Variants in PITPNC1 observed in about 807,000 individuals in gnomAD.
The protein encoded by PITPNC1 is phosphatidylinositol transfer protein cytoplasmic 1, also known as cytoplasmic phosphatidylinositol transfer protein 1.
A neutral mutation model predicts 44.7 loss-of-function variants in PITPNC1; 18 were observed. That is an observed-to-expected ratio of 0.40 (90% CI 0.28 to 0.60). The LOEUF (loss-of-function observed/expected upper bound fraction) is 0.60. Among genes scored for constraint, PITPNC1 ranks in the 20% least tolerant of loss-of-function variants. The pLI is 0.39. For synonymous variants in PITPNC1, 141 were observed against 149.6 expected, an observed-to-expected ratio of 0.94 and a Z score of 0.42; for missense variants, 290 against 418.4, an observed-to-expected ratio of 0.69 and a Z score of 2.68.
chr17:67,670,307 T>C (rs976622804), intron 7 of PITPNC1, among the ~76,000 whole-genome samples: 4 of 152,202 alleles, frequency 2.6e-5, no homozygotes, highest in African/African-American at 7.2e-5. Flanking sequence ...AAAGGGCTTA[T>C]CTGTGAGCAC....
intron 1 of PITPNC1, among the ~76,000 whole-genome samples, chr17:67,435,967 GT>G (rs1328195454): frequency 6.6e-6 from 1 of 152,020 alleles, no homozygotes; most frequent in Non-Finnish European, 1.5e-5. Context: ...ATGGTTGGTG[GT>G]TTTTTTGTTT....
At chr17:67,388,713 C>G (rs925526403) in intron 1 of PITPNC1, among the ~76,000 whole-genome samples, 1 of 152,204 alleles carries the variant, frequency 6.6e-6, no homozygotes, top group South Asian at 2.1e-4. Flanking sequence ...CTCCACCTCT[C>G]GGGTTCAAGC....
chr17:67,388,644 T>C (rs906162558), intron 1 of PITPNC1, among the ~76,000 whole-genome samples: 4 of 150,710 alleles, frequency 2.7e-5, no homozygotes, highest in Non-Finnish European at 3.0e-5. Context: ...CTCTGAGACA[T>C]AGTCTTGCTC....
At chr17:67,590,610 T>C (rs1015273513) in intron 5 of PITPNC1, among the ~76,000 whole-genome samples, 12 of 152,298 alleles carry the variant, frequency 7.9e-5, no homozygotes, top group African/African-American at 2.9e-4. Flanking sequence ...GATATTTACA[T>C]GGACTAAGAG....
chr17:67,537,612 A>G (rs2040547388), intron 2 of PITPNC1, among the ~76,000 whole-genome samples: 1 of 152,186 alleles, frequency 6.6e-6, no homozygotes, highest in African/African-American at 2.4e-5. Flanking sequence ...AGTTGGCATC[A>G]AATCTCAAAT....
intron 1 of PITPNC1, among the ~76,000 whole-genome samples, chr17:67,417,013 T>C (rs2038598951): frequency 6.6e-6 from 1 of 151,936 alleles, no homozygotes; most frequent in Non-Finnish European, 1.5e-5. Context: ...GGTTTCTCCA[T>C]GTTGATCAGA....
chr17:67,650,258 C>T (rs778586072), intron 6 of PITPNC1, among the ~76,000 whole-genome samples: 6 of 151,996 alleles, frequency 3.9e-5, no homozygotes, highest in Non-Finnish European at 7.4e-5. Context: ...AATGAGAAAG[C>T]GAATCTGAAG....
intron 2 of PITPNC1, among the ~76,000 whole-genome samples, chr17:67,548,651 A>G (rs925010312): frequency 3.9e-5 from 6 of 152,164 alleles, no homozygotes; most frequent in Non-Finnish European, 8.8e-5. Context: ...TTTGGGAGGC[A>G]TTGACAAGGC....
At chr17:67,510,697 C>T (rs2040174187) in intron 1 of PITPNC1, among the ~76,000 whole-genome samples, 3 of 152,126 alleles carry the variant, frequency 2.0e-5, no homozygotes, top group Non-Finnish European at 4.4e-5. Context: ...CTCCGGGGTT[C>T]AAGTGATTCT....
intron 1 of PITPNC1, among the ~76,000 whole-genome samples, chr17:67,440,498 T>A (rs1175440334): frequency 7.3e-6 from 1 of 137,574 alleles, no homozygotes; most frequent in African/African-American, 2.7e-5. Context: ...TTGCAAGACT[T>A]TTTATTTATT....
At chr17:67,420,308 C>A (rs2038652007) in intron 1 of PITPNC1, among the ~76,000 whole-genome samples, 1 of 152,130 alleles carries the variant, frequency 6.6e-6, no homozygotes, top group Admixed American at 6.6e-5. Context: ...TTTCTAAATT[C>A]TTGGGGGTGT....
intron 5 of PITPNC1, among the ~76,000 whole-genome samples, chr17:67,585,051 G>A (rs1031171052): frequency 2.7e-5 from 4 of 147,792 alleles, no homozygotes; most frequent in Non-Finnish European, 4.4e-5. Context: ...GGGAGGCAGA[G>A]ATTGCAGTGA....
chr17:67,635,097 T>C (rs1272576914), intron 6 of PITPNC1, among the ~76,000 whole-genome samples: 7 of 152,162 alleles, frequency 4.6e-5, no homozygotes, highest in African/African-American at 1.7e-4. Context: ...TAATAATAAA[T>C]AATAAATGAA....
intron 5 of PITPNC1, among the ~76,000 whole-genome samples, chr17:67,624,880 A>G (rs1295099798): frequency 1.3e-5 from 2 of 152,224 alleles, no homozygotes; most frequent in African/African-American, 4.8e-5. Flanking sequence ...AGGTCAAAGT[A>G]TATCAAGATT....
chr17:67,521,791 A>G (rs2040328488), intron 1 of PITPNC1, among the ~76,000 whole-genome samples: 1 of 152,204 alleles, frequency 6.6e-6, no homozygotes, highest in Non-Finnish European at 1.5e-5. Context: ...CTTCGGGATA[A>G]GGAGCAACTG....
intron 1 of PITPNC1, among the ~76,000 whole-genome samples, chr17:67,430,229 A>G (rs537854872): frequency 4.1e-4 from 62 of 152,114 alleles, no homozygotes; most frequent in Non-Finnish European, 7.6e-4. Context: ...AATGTTGGCT[A>G]GTGTGGTGGC....
intron 6 of PITPNC1, 173 bp downstream of exon 6, chr17:67,632,411 C>T (rs1455004749): frequency 1.3e-5 from 8 of 598,332 alleles, no homozygotes; most frequent in Non-Finnish European, 2.4e-5. Flanking sequence ...TCTAACTCTT[C>T]AGGGACCATC....
At chr17:67,632,471 C>A (rs1299196485) in intron 6 of PITPNC1, 3 of 550,844 alleles carry the variant, frequency 5.4e-6, no homozygotes, top group Non-Finnish European at 9.6e-6. Context: ...TGTCTCCCAA[C>A]TCTGCCATCA....
chr17:67,432,978 A>G (rs190812242), intron 1 of PITPNC1, among the ~76,000 whole-genome samples: 123 of 152,320 alleles, frequency 8.1e-4, no homozygotes, highest in African/African-American at 2.9e-3. Context: ...ATGGAAATAT[A>G]CAAATATAAT....
Sources: allele counts gnomAD v4.1 joint callset (sites outside exome capture counted in the v4.1 genomes callset), GRCh38; gene constraint gnomAD v4.1.1; transcripts MANE v1.5; gene names NCBI Gene and HGNC (gene_info 2026-07-23, HGNC 2026-07-21).